The following ARRDC5 variants were observed in gnomAD, a reference collection of about 807,000 sequenced individuals.
The protein encoded by ARRDC5 is arrestin domain-containing protein 5.
A neutral mutation model predicts 13.3 loss-of-function variants in ARRDC5; 12 were observed. The observed-to-expected ratio is 0.90, with a 90% CI of 0.58 to 1.46. The LOEUF is 1.46. Ranked by LOEUF, ARRDC5 falls within the 40% of genes most tolerant of loss-of-function variation. ARRDC5 has a pLI of 0.00. For missense variants in ARRDC5, 406 were observed against 418.7 expected (o/e 0.97, Z 0.26); for synonymous variants, 181 against 173.4 (o/e 1.04, Z -0.34).
In ARRDC5 at chr19:4,896,876, T is replaced by C. The variant is rs889638154; in HGVS notation, c.254A>G (p.Asp85Gly). 6.2e-6 allele frequency: 10 copies of C among 1,612,270 alleles called. No homozygotes were observed. The highest frequency in any genetic ancestry group is 3.3e-5 in the Admixed American group (2 of 59,940). The change falls in exon 2 of 3, where the codon GAT becomes GGT. Residue 85 changes from aspartate (D) to glycine (G), a missense_variant and splice_region_variant. By Grantham distance (94) the Asp-to-Gly change is moderately conservative. Transcript: ENST00000650722. ...GTGGCTGCCTGCACTTAACCAATTA[T>C]CTGAAAGCAAAACACACCGATGCCA... ...VHKTKTFPVE[D>G]NWLSAGSHTF...
At chr19:4,895,525 T>A (rs2031682892) in intron 2 of ARRDC5, among the ~76,000 whole-genome samples, 1 of 149,026 alleles carries the variant, frequency 6.7e-6, no homozygotes, top group African/African-American at 2.5e-5. Flanking sequence ...GACAAATGAC[T>A]CCCTGGAGAT....
chr19:4,912,212 G>T, the ARRDC5 span, among the ~76,000 whole-genome samples: 1 of 152,190 alleles, frequency 6.6e-6, no homozygotes, highest in African/African-American at 2.4e-5. Flanking sequence ...TGCAAGCCGC[G>T]TGTGTGCAGA....
chr19:4,896,330 ATAT>A (rs1362299596), intron 2 of ARRDC5, among the ~76,000 whole-genome samples: 2 of 51,316 alleles, frequency 3.9e-5, no homozygotes, highest in African/African-American at 9.6e-5. Flanking sequence ...AAAAAAAAAA[ATAT>A]ATATATATAT....
At chr19:4,894,328 G>A (rs2031626161) in intron 2 of ARRDC5, among the ~76,000 whole-genome samples, 4 of 150,960 alleles carry the variant, frequency 2.6e-5, no homozygotes, top group South Asian at 4.2e-4. Flanking sequence ...CGGCTAAAAC[G>A]GTGAAACCCC....
the ARRDC5 span, among the ~76,000 whole-genome samples, chr19:4,915,587 T>C: frequency 1.3e-5 from 2 of 151,954 alleles, no homozygotes; most frequent in Non-Finnish European, 1.5e-5. Flanking sequence ...GTGGCGCATG[T>C]CTGTAGTTCC....
At chr19:4,908,256 A>G in the ARRDC5 span, among the ~76,000 whole-genome samples, 4 of 152,252 alleles carry the variant, frequency 2.6e-5, no homozygotes, top group Non-Finnish European at 4.4e-5. Context: ...CTAGAGACGC[A>G]TATCTTCGGG....
At chr19:4,896,600 C>A in intron 2 of ARRDC5, 71 bp downstream of exon 2, 2 of 1,202,658 alleles carry the variant, frequency 1.7e-6, no homozygotes, top group Non-Finnish European at 2.4e-6. Flanking sequence ...CTGTCCCCTG[C>A]CTGCCCACCT....
upstream of ARRDC5, among the ~76,000 whole-genome samples, chr19:4,906,273 C>G (rs2032062588): frequency 6.6e-6 from 1 of 152,126 alleles, no homozygotes. Flanking sequence ...GCCACTGCAC[C>G]CAGCTGGACA....
intron 2 of ARRDC5, among the ~76,000 whole-genome samples, chr19:4,895,641 C>A (rs1182417024): frequency 1.3e-5 from 2 of 152,110 alleles, no homozygotes. Context: ...CAAGCGGAGG[C>A]TGCACTGCCC....
the ARRDC5 span, chr19:4,911,058 C>A: frequency 6.4e-7 from 1 of 1,557,998 alleles, no homozygotes; most frequent in Non-Finnish European, 8.7e-7. Flanking sequence ...CCGCCAGCAC[C>A]TTTGTTCTAT....
At chr19:4,909,336 T>C in the ARRDC5 span, 1 of 583,906 alleles carries the variant, frequency 1.7e-6, no homozygotes, top group Non-Finnish European at 3.0e-6. Context: ...GGCGGAGCCG[T>C]GGCCCACTAG....
At chr19:4,910,757 A>G in the ARRDC5 span, 21 of 1,267,282 alleles carry the variant, frequency 1.7e-5, no homozygotes, top group African/African-American at 3.2e-4. Flanking sequence ...CTGGAAGGGC[A>G]TCCTGGGAGT....
At chr19:4,898,534 G>A (rs2031806967) in intron 1 of ARRDC5, among the ~76,000 whole-genome samples, 2 of 152,024 alleles carry the variant, frequency 1.3e-5, no homozygotes, top group African/African-American at 4.8e-5. Context: ...GCTAATTTTT[G>A]TATTTTTAGT....
chr19:4,906,237 T>C (rs2032061730), upstream of ARRDC5, among the ~76,000 whole-genome samples: 1 of 152,154 alleles, frequency 6.6e-6, no homozygotes, highest in East Asian at 1.9e-4. Context: ...CCTCGGCCTC[T>C]CAAAGTGCTG....
chr19:4,905,630 G>C (rs1261886111), upstream of ARRDC5, among the ~76,000 whole-genome samples: 6 of 152,110 alleles, frequency 3.9e-5, no homozygotes, highest in Middle Eastern at 3.4e-3. Flanking sequence ...CAATTCTTCT[G>C]CCTCTGCCTC....
At chr19:4,902,505 C>T (rs1412124942) in intron 1 of ARRDC5, 68 bp downstream of exon 1, 9 of 1,465,050 alleles carry the variant, frequency 6.1e-6, no homozygotes, top group East Asian at 2.3e-5. Context: ...GATTGACTCT[C>T]GGATGTGTTT....
Position 4,891,071 on chromosome 19 carries a change from G to A in ARRDC5, c.962C>T (p.Pro321Leu). 6.2e-7 allele frequency: 1 copy of A among 1,613,318 alleles called. No individual in the cohort carries two copies. The highest frequency in any genetic ancestry group is 8.5e-7 in the Non-Finnish European group (1 of 1,179,598). ...TTAATTCTGGTGATCTGGGTTCACG[G>A]GTAACACTCCGTCCTCTGACAGCTG... ...ICQLSEDGVL[P>L]VNPDHQN Residue 321 changes from proline (P) to leucine (L), a missense_variant, in exon 3 of 3, where the codon CCC (proline) becomes CTC (leucine). Coordinates refer to ENST00000650722, the MANE Select transcript of ARRDC5 (RefSeq NM_001080523.3).
At chr19:4,915,828 C>T in the ARRDC5 span, among the ~76,000 whole-genome samples, 1 of 152,210 alleles carries the variant, frequency 6.6e-6, no homozygotes, top group African/African-American at 2.4e-5. Flanking sequence ...GTTGGTGTGT[C>T]TGGGTTTTCT....
chr19:4,909,522 G>A, the ARRDC5 span: 4 of 658,234 alleles, frequency 6.1e-6, no homozygotes, highest in South Asian at 1.6e-5. Context: ...CAGCGCGGCG[G>A]GCAGCGTTTG....
Sources: allele counts gnomAD v4.1 joint callset (sites outside exome capture counted in the v4.1 genomes callset), GRCh38; gene constraint gnomAD v4.1.1; transcripts MANE v1.5; gene names NCBI Gene and HGNC (gene_info 2026-07-23, HGNC 2026-07-21).